PALLD: variants seen among roughly 807,000 people sequenced by gnomAD.
PALLD encodes palladin, cytoskeletal associated protein.
Under a neutral mutation model 123.5 loss-of-function variants are expected in PALLD, and 61 were observed. The observed-to-expected ratio is 0.49, with a 90% CI of 0.40 to 0.61. The LOEUF is 0.61. Among genes scored for constraint, PALLD ranks in the 20% least tolerant of loss-of-function variants. The pLI is 0.00. For synonymous variants in PALLD, 465 were observed against 496.4 expected, an observed-to-expected ratio of 0.94 and a Z score of 0.84; for missense variants, 1,273 against 1,377.0, an observed-to-expected ratio of 0.92 and a Z score of 1.20.
At chr4:168,573,862 C>T (rs931282831) in intron 2 of PALLD, among the ~76,000 whole-genome samples, 2 of 151,936 alleles carry the variant, frequency 1.3e-5, no homozygotes, top group African/African-American at 4.8e-5. Flanking sequence ...ATCTTGATCA[C>T]TATGTTCATT....
intron 1 of PALLD, chr4:168,504,711 A>ATGAC (rs1761824182): frequency 6.6e-6 from 1 of 152,276 alleles, no homozygotes; most frequent in Non-Finnish European, 1.5e-5. Flanking sequence ...AAGAAGACAG[A>ATGAC]AGAATTTCTA....
intron 10 of PALLD, among the ~76,000 whole-genome samples, chr4:168,760,697 C>T (rs566925509): frequency 6.6e-6 from 1 of 152,312 alleles, no homozygotes; most frequent in African/African-American, 2.4e-5. Context: ...AATTCTTTGG[C>T]TTCAAAGTCC....
At chr4:168,695,347 G>C (rs17054483) in intron 8 of PALLD, among the ~76,000 whole-genome samples, 3,781 of 152,322 alleles carry the variant, frequency 0.025, 172 homozygotes, top group African/African-American at 0.086. Context: ...ACGGTGGGTT[G>C]AACAAAAGTA....
At chr4:168,750,056 C>T (rs1730840994) in intron 10 of PALLD, among the ~76,000 whole-genome samples, 1 of 151,934 alleles carries the variant, frequency 6.6e-6, no homozygotes, top group African/African-American at 2.4e-5. Context: ...AAGCAATTCT[C>T]CCTGCCTCAA....
intron 2 of PALLD, among the ~76,000 whole-genome samples, chr4:168,611,965 G>C (rs1773768653): frequency 6.6e-6 from 1 of 152,134 alleles, no homozygotes; most frequent in Admixed American, 6.5e-5. Flanking sequence ...TTCAAGACCA[G>C]CCTGGGCAAC....
chr4:168,836,200 G>T (rs1320409156), intron 10 of PALLD, among the ~76,000 whole-genome samples: 1 of 152,248 alleles, frequency 6.6e-6, no homozygotes, highest in East Asian at 1.9e-4. Context: ...TAATGTCAGT[G>T]CCGAGTCTCC....
intron 2 of PALLD, among the ~76,000 whole-genome samples, chr4:168,549,178 C>A (rs922347470): frequency 2.8e-4 from 42 of 152,008 alleles, no homozygotes; most frequent in Admixed American, 3.3e-4. Context: ...TCCATGTGGT[C>A]TGCTTTTTGA....
At chr4:168,506,385 T>C (rs1308047407) in intron 1 of PALLD, among the ~76,000 whole-genome samples, 1 of 150,060 alleles carries the variant, frequency 6.7e-6, no homozygotes, top group African/African-American at 2.4e-5. Flanking sequence ...CTCTCTCCCT[T>C]TCTCTCTTAC....
chr4:168,666,385 A>G (rs554538928), intron 2 of PALLD, among the ~76,000 whole-genome samples: 14 of 152,194 alleles, frequency 9.2e-5, no homozygotes, highest in Non-Finnish European at 1.8e-4. Context: ...GTAGTAGGTA[A>G]TGCAGTTCCT....
In PALLD at chr4:168,709,080, C is replaced by G. The variant is rs775382674; in HGVS notation, c.1554C>G (p.Ile518Met). Residue 518 changes from isoleucine (I) to methionine (M), a missense_variant, in exon 9 of 22, where the codon ATC (isoleucine) becomes ATG (methionine). By Grantham distance (10) the Ile-to-Met change is conservative. This residue lies in a region of PALLD where 944 missense variants were observed against 954.5 expected (regional missense o/e 0.99). Coordinates refer to ENST00000505667, the MANE Select transcript of PALLD (RefSeq NM_001166108.2). Reference protein sequence around the residue: ...IAETFPEDAGIFTCSARNDYG... With the variant: ...IAETFPEDAGMFTCSARNDYG... ...AGACTTTCCCTGAAGATGCAGGGAT[C>G]TTTACATGTTCAGCAAGAAATGATT... The G allele has an allele frequency of 9.3e-6, 15 of 1,612,568 alleles. No individual in the cohort carries two copies. The Admixed American group carries it at 1.0e-4, about 11-fold the overall frequency.
At chr4:168,812,773 T>C (rs1421894669) in intron 10 of PALLD, among the ~76,000 whole-genome samples, 1 of 152,168 alleles carries the variant, frequency 6.6e-6, no homozygotes, top group Non-Finnish European at 1.5e-5. Context: ...CTCATTCATG[T>C]GAAGTTTTAT....
At chr4:168,579,183 C>G (rs2149642806) in intron 2 of PALLD, among the ~76,000 whole-genome samples, 1 of 152,316 alleles carries the variant, frequency 6.6e-6, no homozygotes, top group South Asian at 2.1e-4. Flanking sequence ...TAGTTCACCA[C>G]AATGGCTAAT....
intron 1 of PALLD, chr4:168,505,056 G>C (rs2149405938): frequency 6.6e-6 from 1 of 152,170 alleles, no homozygotes; most frequent in Admixed American, 6.5e-5. Flanking sequence ...TTTCATTTTG[G>C]AGTGCTGACT....
intron 10 of PALLD, among the ~76,000 whole-genome samples, chr4:168,743,557 T>C (rs1369041996): frequency 6.6e-6 from 1 of 152,202 alleles, no homozygotes; most frequent in Non-Finnish European, 1.5e-5. Context: ...ATGGGTTTGT[T>C]CAATTCCTAC....
intron 10 of PALLD, among the ~76,000 whole-genome samples, chr4:168,814,435 G>A (rs1741616706): frequency 6.6e-6 from 1 of 152,182 alleles, no homozygotes; most frequent in Admixed American, 6.5e-5. Flanking sequence ...TATATGGACT[G>A]CCTTAAGCAA....
At chr4:168,588,173 T>C (rs1771035419) in intron 2 of PALLD, among the ~76,000 whole-genome samples, 1 of 151,970 alleles carries the variant, frequency 6.6e-6, no homozygotes, top group African/African-American at 2.4e-5. Context: ...TTGACCCCAT[T>C]CCCAGTTTCC....
chr4:168,859,623 A>G (rs1041635446), intron 10 of PALLD, among the ~76,000 whole-genome samples: 7 of 152,348 alleles, frequency 4.6e-5, no homozygotes, highest in Admixed American at 3.3e-4. Context: ...TCGGTCCCTC[A>G]GAGACCAAGT....
intron 3 of PALLD, among the ~76,000 whole-genome samples, chr4:168,672,650 G>A (rs1474425762): frequency 6.6e-6 from 1 of 151,962 alleles, no homozygotes; most frequent in African/African-American, 2.4e-5. Context: ...AGTAGAGATG[G>A]GGTTTCGCCG....
intron 1 of PALLD, among the ~76,000 whole-genome samples, chr4:168,504,457 G>C (rs944340515): frequency 6.6e-6 from 1 of 152,202 alleles, no homozygotes; most frequent in South Asian, 2.1e-4. Context: ...AGCTGGGAGT[G>C]GTGGCAGGCA....
Sources: gnomAD v4.1 joint callset for allele counts (sites outside exome capture counted in the v4.1 genomes callset) on GRCh38, gnomAD v4.1.1 for gene constraint, gnomAD v4.1.1 regional missense constraint, MANE v1.5 for transcripts, NCBI Gene and HGNC (gene_info 2026-07-23, HGNC 2026-07-21) for gene names.